DCHS2: variants seen among roughly 807,000 people sequenced by gnomAD.
DCHS2 encodes the protein dachsous cadherin-related 2.
In DCHS2, 142 loss-of-function variants were observed where a neutral mutation model predicts 182.4. That is an observed-to-expected ratio of 0.78 (90% CI 0.68 to 0.89). The LOEUF is 0.89. Among genes scored for constraint, DCHS2 ranks in the 40% least tolerant of loss-of-function variants. The pLI, the probability that DCHS2 is intolerant of heterozygous loss-of-function variation, is 0.00. For missense variants in DCHS2, 4,319 were observed against 4,198.6 expected (o/e 1.03, Z -0.79); for synonymous variants, 1,740 against 1,663.3 (o/e 1.05, Z -1.12).
chr4:154,460,521 G>A (rs1734968983), intron 1 of DCHS2, among the ~76,000 whole-genome samples: 1 of 152,248 alleles, frequency 6.6e-6, no homozygotes. Flanking sequence ...GACCTCATGG[G>A]GTTGTAGTGA....
In DCHS2 at chr4:154,333,055, C is replaced by T. The variant is rs1728553104; in HGVS notation, c.3153G>A (p.Leu1051=). 1 of 1,614,066 alleles carries T rather than the reference C, an allele frequency of 6.2e-7. No homozygotes were observed. The highest frequency in any genetic ancestry group is 8.5e-7 in the Non-Finnish European group (1 of 1,179,962). ...LGAGEQRELT[L]TLRAEDQGVH... The stretch of plus-strand genomic sequence containing the variant: ...CGCCTTGGTCCTCGGCCCTGAGAGT[C>T]AGCGTGAGCTCCCGCTGCTCGCCCG... Residue 1051 remains leucine (L), a synonymous_variant, in exon 5 of 20, where the codon CTG becomes CTA. Transcript: ENST00000357232.
At chr4:154,455,397 C>G (rs1036051449) in intron 1 of DCHS2, among the ~76,000 whole-genome samples, 2 of 152,216 alleles carry the variant, frequency 1.3e-5, no homozygotes, top group African/African-American at 4.8e-5. Context: ...AAATTAAATA[C>G]TTCTGTAAAT....
chr4:154,447,903 C>G (rs1734368853), intron 1 of DCHS2, among the ~76,000 whole-genome samples: 1 of 152,110 alleles, frequency 6.6e-6, no homozygotes, highest in Non-Finnish European at 1.5e-5. Flanking sequence ...AAACACACTC[C>G]CTCAATCCTA....
chr4:154,338,795 C>T (rs932561139), intron 3 of DCHS2, among the ~76,000 whole-genome samples: 3 of 152,140 alleles, frequency 2.0e-5, no homozygotes, highest in African/African-American at 7.2e-5. Context: ...AGACTTTACA[C>T]ACTACATTTT....
chr4:154,464,996 A>C (rs775399376), intron 1 of DCHS2, among the ~76,000 whole-genome samples: 1 of 152,218 alleles, frequency 6.6e-6, no homozygotes, highest in Non-Finnish European at 1.5e-5. Context: ...AACTGGCAGA[A>C]GGTTTAAATA....
At chr4:154,475,559 T>C (rs1234879746) in intron 1 of DCHS2, among the ~76,000 whole-genome samples, 4 of 152,198 alleles carry the variant, frequency 2.6e-5, no homozygotes, top group Non-Finnish European at 4.4e-5. Flanking sequence ...CCATTATTTG[T>C]TAAGACAAAA....
intron 1 of DCHS2, among the ~76,000 whole-genome samples, chr4:154,459,680 G>T (rs1413225668): frequency 6.6e-6 from 1 of 151,680 alleles, no homozygotes; most frequent in Non-Finnish European, 1.5e-5. Context: ...GCCAAAGGAA[G>T]GTCAGCTCCA....
Position 154,235,554 on chromosome 4 carries a change from G to A in DCHS2, c.9098C>T (p.Thr3033Ile), listed in dbSNP as rs144095333. 9.8e-4 allele frequency: 1,577 copies of A among 1,614,014 alleles called. No homozygotes were observed. The highest frequency in any genetic ancestry group is 1.2e-3 in the Non-Finnish European group (1,401 of 1,179,944). Residue 3033 changes from threonine (T) to isoleucine (I), a missense_variant, in exon 20 of 20, where the codon ACC (threonine) becomes ATC (isoleucine). Transcript: ENST00000357232. ...TCTCAAGTCCGCATCTAAAGATGAG[G>A]TTTTCTTCTCCTCATAATTGTTTAT... is the stretch of plus-strand genomic sequence containing the variant. ...DTINNYEEKK[T>I]SSLDADLRVT...
rs754731215 is a variant in DCHS2, at chr4:154,333,225, CA to C, written c.2982del (p.Gly995AlafsTer57). 1.2e-6 allele frequency: 2 copies of C among 1,614,198 alleles called. No homozygotes were observed. The highest frequency in any genetic ancestry group is 1.6e-4 in the Middle Eastern group (1 of 6,062). ...GCACGTGCGAGGTACAAGGCTGTGC[CA>C]GGGGGCGTGGTCTGGGATATTCTAA... ...DEIRISQTTP[P>X]GTALYLARAE... is the part of the protein sequence containing the mutation. On this transcript the variant is annotated frameshift_variant, in exon 5 of 20. Coordinates refer to ENST00000357232, the MANE Select transcript of DCHS2 (RefSeq NM_001358235.2). LOFTEE classifies it high-confidence loss of function.
At chr4:154,246,595 C>G (rs1732082880) in intron 16 of DCHS2, among the ~76,000 whole-genome samples, 1 of 151,938 alleles carries the variant, frequency 6.6e-6, no homozygotes. Context: ...CCAGTGGAAA[C>G]AGATATTGAA....
intron 13 of DCHS2, among the ~76,000 whole-genome samples, chr4:154,282,045 C>A (rs573010371): frequency 1.0e-3 from 154 of 152,156 alleles, no homozygotes; most frequent in African/African-American, 3.6e-3. Flanking sequence ...GGATTAGAGA[C>A]TTAAATGTAA....
At chr4:154,370,919 A>G (rs1039439455) in intron 2 of DCHS2, among the ~76,000 whole-genome samples, 5 of 152,336 alleles carry the variant, frequency 3.3e-5, no homozygotes, top group Admixed American at 2.0e-4. Context: ...TGATCTTAAC[A>G]TGGGAGAAGA....
chr4:154,345,786 GAATT>G (rs1311657941), intron 3 of DCHS2, among the ~76,000 whole-genome samples: 1 of 152,160 alleles, frequency 6.6e-6, no homozygotes, highest in East Asian at 1.9e-4. Flanking sequence ...ATTATTTGTT[GAATT>G]AATTAACAAA....
intron 3 of DCHS2, among the ~76,000 whole-genome samples, chr4:154,336,929 T>C (rs1339022129): frequency 2.0e-5 from 3 of 152,198 alleles, no homozygotes; most frequent in South Asian, 2.1e-4. Flanking sequence ...ACAAACTTTG[T>C]TTCCAGATAC....
chr4:154,236,472 G>A lies in DCHS2; in HGVS notation c.8180C>T (p.Pro2727Leu). The change falls in exon 20 of 20, where the codon CCT (proline) becomes CTT (leucine). Residue 2727 changes from proline to leucine, a missense_variant. Transcript: ENST00000357232. ...TTTTGTCATTTTTTCATAATCCAGA[G>A]GTTTAATCAAATAAAGAACTCCAGT... is the stretch of plus-strand genomic sequence containing the variant. ...ENTGVLYLIK[P>L]LDYEKMTKFT... 1 of 1,613,944 alleles carries A rather than the reference G, an allele frequency of 6.2e-7. No homozygotes were observed. The highest frequency in any genetic ancestry group is 8.5e-7 in the Non-Finnish European group (1 of 1,179,928).
intron 1 of DCHS2, among the ~76,000 whole-genome samples, chr4:154,464,149 C>T (rs538207929): frequency 6.6e-6 from 1 of 152,212 alleles, no homozygotes; most frequent in Non-Finnish European, 1.5e-5. Flanking sequence ...ACCAAAAAAG[C>T]ACCCTCCAGC....
At chr4:154,445,264 A>C (rs550598259) in intron 1 of DCHS2, among the ~76,000 whole-genome samples, 40 of 152,276 alleles carry the variant, frequency 2.6e-4, no homozygotes, top group African/African-American at 8.9e-4. Context: ...ATAAATAAAT[A>C]TTTCCTGAAT....
intron 1 of DCHS2, among the ~76,000 whole-genome samples, chr4:154,458,774 G>C (rs1039406813): frequency 4.6e-5 from 7 of 152,244 alleles, no homozygotes; most frequent in African/African-American, 1.7e-4. Context: ...TTGATAATTA[G>C]AATGTTCACT....
intron 1 of DCHS2, among the ~76,000 whole-genome samples, chr4:154,383,007 A>T (rs1731240792): frequency 6.6e-6 from 1 of 152,184 alleles, no homozygotes; most frequent in Admixed American, 6.5e-5. Flanking sequence ...AAGGAAAATA[A>T]ATTATTCTAC....
Sources: allele counts gnomAD v4.1 joint callset (sites outside exome capture counted in the v4.1 genomes callset), GRCh38; gene constraint gnomAD v4.1.1; transcripts MANE v1.5; gene names NCBI Gene and HGNC (gene_info 2026-07-23, HGNC 2026-07-21).